The following HS2ST1 variants were observed in gnomAD, a reference collection of about 807,000 sequenced individuals.
HS2ST1 encodes the protein 2-O-sulfotransferase.
A neutral mutation model predicts 42.9 loss-of-function variants in HS2ST1; 18 were observed. The observed-to-expected ratio is 0.42, with a 90% CI of 0.29 to 0.62. HS2ST1 has a LOEUF of 0.62. Ranked by LOEUF, HS2ST1 falls within the 20% of genes least tolerant of loss-of-function variation. The pLI, the probability that HS2ST1 is intolerant of heterozygous loss-of-function variation, is 0.21. For synonymous variants in HS2ST1, 146 were observed against 152.9 expected (o/e 0.95, Z 0.33); for missense variants, 334 against 433.8 (o/e 0.77, Z 2.04).
intron 1 of HS2ST1, among the ~76,000 whole-genome samples, chr1:87,027,893 T>C (rs941174194): frequency 2.0e-5 from 3 of 152,236 alleles, no homozygotes; most frequent in African/African-American, 7.2e-5. Context: ...TTTCACCATG[T>C]TGGCCAGGCT....
intron 1 of HS2ST1, among the ~76,000 whole-genome samples, chr1:86,944,517 G>A (rs1384067886): frequency 6.6e-6 from 1 of 151,886 alleles, no homozygotes; most frequent in Non-Finnish European, 1.5e-5. Context: ...ACCATGCCCG[G>A]CTCATTTTTG....
chr1:87,072,845 A>T, intron 1 of HS2ST1, 89 bp from the exon 2 acceptor site: 1 of 893,390 alleles, frequency 1.1e-6, no homozygotes, highest in South Asian at 1.7e-5. Flanking sequence ...TCTTTTTTGT[A>T]TCTTTTCTAA....
At chr1:86,927,574 C>T (rs557505933) in intron 1 of HS2ST1, among the ~76,000 whole-genome samples, 128 of 152,170 alleles carry the variant, frequency 8.4e-4, no homozygotes, top group African/African-American at 2.9e-3. Context: ...TTTTTAAATT[C>T]GTGACATAGC....
intron 1 of HS2ST1, among the ~76,000 whole-genome samples, chr1:86,996,263 A>G (rs1042274206): frequency 1.3e-5 from 2 of 151,970 alleles, no homozygotes; most frequent in Non-Finnish European, 2.9e-5. Flanking sequence ...ATCAACATGG[A>G]AAAACCCCGT....
intron 1 of HS2ST1, among the ~76,000 whole-genome samples, chr1:87,059,383 C>G (rs1411171772): frequency 6.6e-6 from 1 of 152,088 alleles, no homozygotes; most frequent in East Asian, 1.9e-4. Flanking sequence ...TTCTTGGATC[C>G]AGAAGTATTT....
intron 1 of HS2ST1, among the ~76,000 whole-genome samples, chr1:87,061,096 A>G (rs1389883784): frequency 6.6e-6 from 1 of 152,180 alleles, no homozygotes; most frequent in Non-Finnish European, 1.5e-5. Context: ...ATAAGGGCCT[A>G]CAAAAATTTA....
At chr1:86,978,859 A>ATTTT (rs1570460186) in intron 1 of HS2ST1, among the ~76,000 whole-genome samples, 1 of 67,484 alleles carries the variant, frequency 1.5e-5, no homozygotes, top group Admixed American at 2.0e-4. Context: ...TTACTTGTGA[A>ATTTT]TCTTTTTTTT....
At chr1:86,990,950 G>T (rs1217171612) in intron 1 of HS2ST1, among the ~76,000 whole-genome samples, 2 of 147,744 alleles carry the variant, frequency 1.4e-5, no homozygotes, top group East Asian at 2.0e-4. Flanking sequence ...AAAGTGCTGG[G>T]ATTATAGGCC....
At chr1:87,102,050 T>TATG (rs1488992218) in intron 5 of HS2ST1, among the ~76,000 whole-genome samples, 1 of 150,790 alleles carries the variant, frequency 6.6e-6, no homozygotes, top group South Asian at 2.1e-4. Context: ...CCCAGTCGTT[T>TATG]ATTATTATTA....
chr1:87,097,614 G>A (rs1005946929), intron 4 of HS2ST1, among the ~76,000 whole-genome samples: 4 of 152,050 alleles, frequency 2.6e-5, no homozygotes, highest in African/African-American at 7.2e-5. Flanking sequence ...GGACGGTCTC[G>A]ATTTCTTGAC....
intron 1 of HS2ST1, among the ~76,000 whole-genome samples, chr1:86,967,009 A>G (rs935796171): frequency 1.3e-5 from 2 of 151,874 alleles, no homozygotes; most frequent in Non-Finnish European, 2.9e-5. Flanking sequence ...CTCCTGCATC[A>G]GCCTCCTGAG....
At chr1:86,919,384 C>A (rs897984432) in intron 1 of HS2ST1, among the ~76,000 whole-genome samples, 3 of 152,128 alleles carry the variant, frequency 2.0e-5, no homozygotes, top group African/African-American at 7.2e-5. Flanking sequence ...GGAAGACTTA[C>A]CCAGAGCCAG....
At chr1:86,956,429 G>A (rs1647679691) in intron 1 of HS2ST1, 1 of 152,130 alleles carries the variant, frequency 6.6e-6, no homozygotes, top group South Asian at 2.1e-4. Context: ...ACAGAGCATG[G>A]CCTAGATCCT....
At chr1:87,060,871 T>C (rs541390391) in intron 1 of HS2ST1, among the ~76,000 whole-genome samples, 5 of 152,122 alleles carry the variant, frequency 3.3e-5, no homozygotes, top group Admixed American at 1.3e-4. Flanking sequence ...AATTGGTGTT[T>C]TTTGGATTGA....
chr1:87,056,447 A>G (rs575819636), intron 1 of HS2ST1, among the ~76,000 whole-genome samples: 97 of 152,264 alleles, frequency 6.4e-4, no homozygotes, highest in African/African-American at 2.1e-3. Context: ...CAACAAGGCA[A>G]TTTTTTTCAT....
chr1:87,100,092 C>T (rs1652163569), intron 5 of HS2ST1, among the ~76,000 whole-genome samples: 1 of 152,202 alleles, frequency 6.6e-6, no homozygotes, highest in Non-Finnish European at 1.5e-5. Flanking sequence ...GATGGTGAGC[C>T]AACCATTCTG....
intron 1 of HS2ST1, among the ~76,000 whole-genome samples, chr1:87,061,571 T>A (rs1438220198): frequency 6.6e-6 from 1 of 152,218 alleles, no homozygotes; most frequent in Admixed American, 6.5e-5. Flanking sequence ...TATGAGTACT[T>A]CATTCCTTTC....
intron 1 of HS2ST1, among the ~76,000 whole-genome samples, chr1:87,052,759 A>T (rs1160743896): frequency 6.6e-6 from 1 of 152,196 alleles, no homozygotes; most frequent in Non-Finnish European, 1.5e-5. Context: ...TGTTTTTCAC[A>T]GATCTAAGGT....
At chr1:87,102,616 T>A (rs1255184783) in intron 5 of HS2ST1, among the ~76,000 whole-genome samples, 2 of 152,220 alleles carry the variant, frequency 1.3e-5, no homozygotes, top group Admixed American at 6.5e-5. Flanking sequence ...AGTTTGCCAA[T>A]CCCTGCCTTA....
Sources: allele counts gnomAD v4.1 joint callset (sites outside exome capture counted in the v4.1 genomes callset), GRCh38; gene constraint gnomAD v4.1.1; transcripts MANE v1.5; gene names NCBI Gene and HGNC (gene_info 2026-07-23, HGNC 2026-07-21).